The following PCDH7 variants were observed in gnomAD, a reference collection of about 807,000 sequenced individuals.
PCDH7 encodes the protein protocadherin 7, also known as protocadherin-7.
A neutral mutation model predicts 58.9 loss-of-function variants in PCDH7; 17 were observed. The observed-to-expected ratio is 0.29, with a 90% CI of 0.20 to 0.43. The LOEUF is 0.43. Ranked by LOEUF, PCDH7 falls within the 20% of genes least tolerant of loss-of-function variation. The pLI is 1.00. For missense variants in PCDH7, 1,274 were observed against 1,441.0 expected, an observed-to-expected ratio of 0.88 and a Z score of 1.88; for synonymous variants, 664 against 616.4, an observed-to-expected ratio of 1.08 and a Z score of -1.14.
At chr4:30,969,717 A>T (rs1048776262) in intron 3 of PCDH7, among the ~76,000 whole-genome samples, 1 of 152,188 alleles carries the variant, frequency 6.6e-6, no homozygotes, top group Non-Finnish European at 1.5e-5. Context: ...TGATCTAAAC[A>T]TATGACTTTA....
At chr4:30,839,467 G>A (rs79676267) in intron 1 of PCDH7, among the ~76,000 whole-genome samples, 5,779 of 152,142 alleles carry the variant, frequency 0.038, 357 homozygotes, top group African/African-American at 0.13. Context: ...GTATGATTTC[G>A]TATTATGCAA....
At chr4:30,785,543 CAT>C (rs1474185359) in intron 1 of PCDH7, among the ~76,000 whole-genome samples, 5 of 151,986 alleles carry the variant, frequency 3.3e-5, no homozygotes, top group Admixed American at 1.3e-4. Flanking sequence ...AAAATTAAGA[CAT>C]ATTTTAATGC....
exon 4 of PCDH7, chr4:31,142,700 A>C: frequency 7.3e-7 from 1 of 1,367,738 alleles, no homozygotes; most frequent in Non-Finnish European, 9.8e-7. Context: ...CCTCCTGAAC[A>C]AAAAGTTGAC....
chr4:30,934,009 C>T (rs7669015), intron 2 of PCDH7, among the ~76,000 whole-genome samples: 105,707 of 152,120 alleles, frequency 0.69, 36,761 homozygotes, highest in East Asian at 0.78. Flanking sequence ...AGTTTTTCCC[C>T]GTAAGCTTAC....
At chr4:30,736,864 C>T (rs181052113), downstream of PCDH7, among the ~76,000 whole-genome samples, 11 of 152,280 alleles carry the variant, frequency 7.2e-5, no homozygotes, top group East Asian at 2.1e-3. Context: ...GCAGGTTTTG[C>T]ATGCCGCATT....
intron 2 of PCDH7, among the ~76,000 whole-genome samples, chr4:30,941,042 T>C (rs1745976106): frequency 6.6e-6 from 1 of 151,980 alleles, no homozygotes; most frequent in Admixed American, 6.6e-5. Context: ...ATGTATAAAC[T>C]GAATTCCAAC....
intron 3 of PCDH7, among the ~76,000 whole-genome samples, chr4:31,107,234 G>A (rs998758279): frequency 4.6e-5 from 7 of 152,072 alleles, no homozygotes; most frequent in African/African-American, 4.8e-5. Context: ...ACATGAATAC[G>A]TGGGTGAAAT....
In PCDH7 at chr4:30,880,564, T is replaced by C. The variant is rs553637549; in HGVS notation, c.71-39589T>C. Among the ~76,000 whole-genome samples the C allele has an allele frequency of 4.5e-4, 69 of 152,230 alleles. 2 individuals carry two copies. In the South Asian group the frequency reaches 8.7e-3, roughly 19 times the overall value. ...GCACTGAGGTATCATCTACTTTCTG[T>C]CATACAACCTGAAGCAAACAAAACA... On this transcript the variant is annotated intron_variant, in intron 1 of 3. Coordinates refer to the PCDH7 transcript ENST00000509759.
intron 1 of PCDH7, among the ~76,000 whole-genome samples, chr4:30,794,543 C>T (rs1385708107): frequency 6.6e-6 from 1 of 152,130 alleles, no homozygotes; most frequent in Admixed American, 6.5e-5. Flanking sequence ...ATTCATTGCA[C>T]ACAGAACTGT....
At chr4:31,062,355 A>G (rs376066814) in intron 3 of PCDH7, among the ~76,000 whole-genome samples, 39 of 151,940 alleles carry the variant, frequency 2.6e-4, no homozygotes, top group Admixed American at 5.9e-4. Context: ...CAAGTAATAC[A>G]TAAAGGAACC....
At position 30,765,557 on chromosome 4, in the gene PCDH7, A is replaced by C. The variant is rs146278984; in HGVS notation, c.70+40961A>C. Among the ~76,000 whole-genome samples the C allele has an allele frequency of 3.6e-3, 541 of 152,306 alleles. 4 individuals are homozygous for C. The highest frequency in any genetic ancestry group is 0.012 in the African/African-American group (508 of 41,572). On this transcript the variant is annotated intron_variant, in intron 1 of 3. Coordinates refer to the PCDH7 transcript ENST00000509759. ...TAACTGCACTTCTTTTAGCAGAGACATTGGAGTAGACAGATAATCTATGGG... is the reference window on the plus strand; with the variant it reads ...TAACTGCACTTCTTTTAGCAGAGACCTTGGAGTAGACAGATAATCTATGGG...
intron 1 of PCDH7, among the ~76,000 whole-genome samples, chr4:30,850,457 G>T (rs1732576402): frequency 6.6e-6 from 1 of 151,952 alleles, no homozygotes; most frequent in Non-Finnish European, 1.5e-5. Flanking sequence ...TATTATACAT[G>T]AAAAAAACTG....
intron 1 of PCDH7, among the ~76,000 whole-genome samples, chr4:30,812,234 G>A (rs1414986576): frequency 6.6e-6 from 1 of 151,946 alleles, no homozygotes; most frequent in Non-Finnish European, 1.5e-5. Context: ...TTGAGAGTAG[G>A]GTAGGAGACA....
chr4:30,972,637 A>G (rs1477512997), intron 3 of PCDH7, among the ~76,000 whole-genome samples: 1 of 152,200 alleles, frequency 6.6e-6, no homozygotes, highest in African/African-American at 2.4e-5. Flanking sequence ...CAACACAAAC[A>G]AATTATCTCT....
intron 3 of PCDH7, among the ~76,000 whole-genome samples, chr4:30,981,906 T>A (rs1750605262): frequency 6.6e-6 from 1 of 152,204 alleles, no homozygotes; most frequent in African/African-American, 2.4e-5. Context: ...GCAGCCTATG[T>A]TCTATTTCTA....
chr4:31,046,405 T>C (rs1319258781), intron 3 of PCDH7, among the ~76,000 whole-genome samples: 3 of 152,040 alleles, frequency 2.0e-5, no homozygotes, highest in Admixed American at 6.6e-5. Flanking sequence ...AAGAAGATTA[T>C]ATGAGTTATA....
chr4:30,870,451 T>TA (rs770035177), intron 1 of PCDH7, among the ~76,000 whole-genome samples: 4 of 152,062 alleles, frequency 2.6e-5, no homozygotes, highest in East Asian at 3.9e-4. Context: ...ACTTTAAAAA[T>TA]AAAAAAAGAA....
intron 3 of PCDH7, among the ~76,000 whole-genome samples, chr4:30,976,105 C>G (rs757715875): frequency 6.6e-6 from 1 of 152,188 alleles, no homozygotes. Flanking sequence ...TTTGTAATAA[C>G]TCCAGGAGGT....
At chr4:30,987,802 A>G (rs764957161) in intron 3 of PCDH7, 22 of 151,960 alleles carry the variant, frequency 1.4e-4, no homozygotes, top group Admixed American at 1.4e-3. Context: ...GGAATATGAA[A>G]CAACGAAATA....
Sources: gnomAD v4.1 joint callset for allele counts (sites outside exome capture counted in the v4.1 genomes callset) on GRCh38, gnomAD v4.1.1 for gene constraint, MANE v1.5 for transcripts, NCBI Gene and HGNC (gene_info 2026-07-23, HGNC 2026-07-21) for gene names.